The following ENTPD1 variants were observed in gnomAD, a reference collection of about 807,000 sequenced individuals.
The protein encoded by ENTPD1 is ectonucleoside triphosphate diphosphohydrolase 1.
ENTPD1 carries 33 observed loss-of-function variants against 57.0 expected under a neutral mutation model. The ratio of observed to expected loss-of-function variants is 0.58; its 90% CI spans 0.44 to 0.77. The LOEUF (loss-of-function observed/expected upper bound fraction) is 0.77, where lower values mean the gene tolerates loss of function less well. Among genes scored for constraint, ENTPD1 ranks in the 30% least tolerant of loss-of-function variants. The pLI is 0.00. For missense variants in ENTPD1, 501 were observed against 603.4 expected (o/e 0.83, Z 1.78); for synonymous variants, 202 against 218.8 (o/e 0.92, Z 0.68).
intron 1 of ENTPD1, among the ~76,000 whole-genome samples, chr10:95,739,047 G>A (rs1321129887): frequency 6.6e-6 from 1 of 152,162 alleles, no homozygotes; most frequent in Non-Finnish European, 1.5e-5. Flanking sequence ...TATAAAGTGT[G>A]CAATAGCATT....
At chr10:95,836,751 C>A (rs929371913) in intron 2 of ENTPD1, among the ~76,000 whole-genome samples, 26 of 152,200 alleles carry the variant, frequency 1.7e-4, no homozygotes, top group Non-Finnish European at 2.8e-4. Flanking sequence ...ACTGAAGCCC[C>A]TGTAGGCCTC....
chr10:95,815,915 C>A (rs1274299657), intron 1 of ENTPD1, among the ~76,000 whole-genome samples: 1 of 152,146 alleles, frequency 6.6e-6, no homozygotes, highest in Non-Finnish European at 1.5e-5. Flanking sequence ...ACTTTATAGG[C>A]GGCCATCTTG....
rs990415485 is a variant in ENTPD1 at position 95,847,686 on chromosome 10, C to G, written c.1054C>G (p.Pro352Ala). Reference sequence around the variant, plus strand: ...TGCCTTCAATGGGATTTTCTTGCCACCACTCCAGGGGGATTTTGGGGTAAG... The same window carrying G: ...TGCCTTCAATGGGATTTTCTTGCCAGCACTCCAGGGGGATTTTGGGGTAAG... ...QCAFNGIFLPPLQGDFGAFSA... is the reference protein window; with the variant it reads ...QCAFNGIFLPALQGDFGAFSA... Residue 352 changes from proline to alanine, a missense_variant, in exon 7 of 10, where the codon CCA (proline) becomes GCA (alanine). Transcript: ENST00000371205. The G allele has an allele frequency of 3.1e-6, 5 of 1,614,186 alleles. No individual in the cohort carries two copies. Among genetic ancestry groups the G allele is most frequent in the Non-Finnish European group, 4.2e-6 (5 of 1,180,026 alleles).
At chr10:95,862,013 A>T (rs548117913) in intron 8 of ENTPD1, among the ~76,000 whole-genome samples, 7 of 152,192 alleles carry the variant, frequency 4.6e-5, no homozygotes, top group African/African-American at 1.7e-4. Context: ...AAAAAAAAAA[A>T]AAAAGTTCTG....
upstream of ENTPD1, among the ~76,000 whole-genome samples, chr10:95,707,903 C>G (rs1186715924): frequency 1.3e-5 from 2 of 152,146 alleles, no homozygotes; most frequent in Non-Finnish European, 2.9e-5. Context: ...CCTCTCCTAG[C>G]CATCACTTTG....
intron 1 of ENTPD1, among the ~76,000 whole-genome samples, chr10:95,725,317 A>G (rs989845003): frequency 2.0e-5 from 3 of 152,056 alleles, no homozygotes; most frequent in Non-Finnish European, 2.9e-5. Context: ...TAAATCCTAT[A>G]TATCTGGCCC....
At chr10:95,840,510 C>T (rs1366205495) in intron 3 of ENTPD1, among the ~76,000 whole-genome samples, 1 of 152,120 alleles carries the variant, frequency 6.6e-6, no homozygotes, top group African/African-American at 2.4e-5. Context: ...AAATTATAGG[C>T]TCTTAGGGCT....
At chr10:95,773,419 T>A (rs1240300155) in intron 1 of ENTPD1, among the ~76,000 whole-genome samples, 2 of 152,176 alleles carry the variant, frequency 1.3e-5, no homozygotes, top group Non-Finnish European at 2.9e-5. Flanking sequence ...GGAAGGAATT[T>A]TTTTTTTCTG....
intron 2 of ENTPD1, among the ~76,000 whole-genome samples, chr10:95,825,535 T>C (rs188817995): frequency 2.0e-5 from 3 of 152,152 alleles, no homozygotes; most frequent in African/African-American, 7.2e-5. Flanking sequence ...CTGATACATG[T>C]TTTTTGTTTG....
At chr10:95,835,488 T>C (rs2098407553) in intron 2 of ENTPD1, among the ~76,000 whole-genome samples, 1 of 152,244 alleles carries the variant, frequency 6.6e-6, no homozygotes, top group Admixed American at 6.5e-5. Context: ...ATGGCAATTC[T>C]ATTTTTAGTT....
At chr10:95,840,180 C>G (rs1202851440) in intron 3 of ENTPD1, among the ~76,000 whole-genome samples, 3 of 152,080 alleles carry the variant, frequency 2.0e-5, no homozygotes, top group South Asian at 4.1e-4. Context: ...GAGGTTATAC[C>G]ACTTGTTTGT....
chr10:95,796,443 G>C (rs2098226423), intron 1 of ENTPD1, among the ~76,000 whole-genome samples: 1 of 152,112 alleles, frequency 6.6e-6, no homozygotes, highest in Non-Finnish European at 1.5e-5. Flanking sequence ...AGATAAATAA[G>C]AGAGGAAAGA....
At chr10:95,785,519 C>A (rs913076935) in intron 1 of ENTPD1, among the ~76,000 whole-genome samples, 4 of 152,214 alleles carry the variant, frequency 2.6e-5, no homozygotes, top group African/African-American at 7.2e-5. Context: ...CATAAGGTCT[C>A]AGGACACAAG....
At chr10:95,795,732 A>G (rs1171055766) in intron 1 of ENTPD1, among the ~76,000 whole-genome samples, 1 of 152,212 alleles carries the variant, frequency 6.6e-6, no homozygotes, top group Non-Finnish European at 1.5e-5. Context: ...TTGAGATCCC[A>G]TTTCATAGGA....
At chr10:95,802,340 A>G (rs2060714334) in intron 1 of ENTPD1, among the ~76,000 whole-genome samples, 1 of 152,192 alleles carries the variant, frequency 6.6e-6, no homozygotes, top group East Asian at 1.9e-4. Flanking sequence ...AAGCTCTCAG[A>G]TAGCACACCT....
At chr10:95,722,272 T>G (rs1455925842) in intron 1 of ENTPD1, among the ~76,000 whole-genome samples, 2 of 150,266 alleles carry the variant, frequency 1.3e-5, no homozygotes, top group Admixed American at 6.6e-5. Context: ...TGTTTTTTTG[T>G]TTTTTTTTAA....
intron 1 of ENTPD1, among the ~76,000 whole-genome samples, chr10:95,813,337 G>C (rs1273180782): frequency 2.0e-5 from 3 of 152,200 alleles, no homozygotes; most frequent in African/African-American, 7.2e-5. Context: ...TGAGCCTTCT[G>C]CTTCTCCATG....
chr10:95,874,830 C>T lies in ENTPD1; in HGVS notation c.*8447C>T, dbSNP rs1208577175. On this transcript the variant is annotated 3_prime_UTR_variant, in exon 10 of 10. Transcript: ENST00000371205. ...CTCTGCACCCACAGGCTCAACATCA[C>T]ATGGAAGCTGCCAATGCTTGGGGCC... Among the ~76,000 whole-genome samples the T allele has an allele frequency of 6.6e-6, 1 of 152,252 alleles. No homozygotes were observed. Among genetic ancestry groups the T allele is most frequent in the Non-Finnish European group, 1.5e-5 (1 of 68,050 alleles).
At chr10:95,752,774 C>T (rs1006218510), upstream of ENTPD1, among the ~76,000 whole-genome samples, 1 of 152,118 alleles carries the variant, frequency 6.6e-6, no homozygotes, top group Non-Finnish European at 1.5e-5. Context: ...TCCAGACAAC[C>T]TACTGCTTCA....
Sources: gnomAD v4.1 joint callset for allele counts (sites outside exome capture counted in the v4.1 genomes callset) on GRCh38, gnomAD v4.1.1 for gene constraint, MANE v1.5 for transcripts, NCBI Gene and HGNC (gene_info 2026-07-23, HGNC 2026-07-21) for gene names.